Variants in ATP10B observed in about 807,000 individuals in gnomAD.
ATP10B encodes the protein phospholipid-transporting ATPase VB.
ATP10B carries 122 observed loss-of-function variants against 141.2 expected under a neutral mutation model. The observed-to-expected ratio is 0.86, with a 90% CI of 0.75 to 1.00. ATP10B has a LOEUF of 1.00. Ranked by LOEUF, ATP10B falls within the 50% of genes least tolerant of loss-of-function variation. The pLI, the probability that ATP10B is intolerant of heterozygous loss-of-function variation, is 0.00. For synonymous variants in ATP10B, 685 were observed against 692.0 expected, an observed-to-expected ratio of 0.99 and a Z score of 0.16; for missense variants, 1,876 against 1,825.3, an observed-to-expected ratio of 1.03 and a Z score of -0.51.
At chr5:160,900,169 C>T in the ATP10B span, among the ~76,000 whole-genome samples, 1 of 152,190 alleles carries the variant, frequency 6.6e-6, no homozygotes, top group Non-Finnish European at 1.5e-5. Context: ...CAGCCTTCCC[C>T]CAACTACTGA....
At chr5:160,901,786 G>C in the ATP10B span, among the ~76,000 whole-genome samples, 2 of 152,176 alleles carry the variant, frequency 1.3e-5, no homozygotes, top group Non-Finnish European at 2.9e-5. Context: ...ATACCCAACA[G>C]TACTTTTTAT....
intron 22 of ATP10B, among the ~76,000 whole-genome samples, chr5:160,592,503 T>C (rs1756381008): frequency 6.6e-6 from 1 of 152,202 alleles, no homozygotes; most frequent in Non-Finnish European, 1.5e-5. Flanking sequence ...GACGGGTGAT[T>C]TCTGCATTTC....
chr5:160,873,946 C>T, the ATP10B span, among the ~76,000 whole-genome samples: 3 of 152,238 alleles, frequency 2.0e-5, no homozygotes, highest in Non-Finnish European at 4.4e-5. Context: ...AAGGCGGCAG[C>T]CAGGCTGGGG....
chr5:160,795,566 T>C (rs537752257), intron 1 of ATP10B, among the ~76,000 whole-genome samples: 1 of 94,276 alleles, frequency 1.1e-5, no homozygotes, highest in African/African-American at 3.8e-5. Context: ...CTTTGGAACC[T>C]ATGAATTTTT....
the ATP10B span, among the ~76,000 whole-genome samples, chr5:160,928,213 A>C: frequency 2.5e-4 from 38 of 152,184 alleles, no homozygotes; most frequent in Non-Finnish European, 4.6e-4. Flanking sequence ...TTCAAGAATT[A>C]GCTTCACTTC....
intron 8 of ATP10B, among the ~76,000 whole-genome samples, chr5:160,646,482 T>G (rs963671347): frequency 6.6e-6 from 1 of 152,226 alleles, no homozygotes; most frequent in Admixed American, 6.5e-5. Context: ...AATTTTCCTT[T>G]TCAAATAAAT....
At chr5:160,613,902 G>C (rs1581201898) in intron 17 of ATP10B, 1 of 152,330 alleles carries the variant, frequency 6.6e-6, no homozygotes, top group South Asian at 2.1e-4. Flanking sequence ...CTCTGGGCAG[G>C]AGCACGGCAT....
At chr5:160,687,657 T>C (rs1029039325) in intron 5 of ATP10B, 143 bp downstream of exon 5, 3 of 978,142 alleles carry the variant, frequency 3.1e-6, no homozygotes, top group Non-Finnish European at 4.5e-6. Flanking sequence ...CCCAGCTATT[T>C]GGGAGGCTGA....
intron 2 of ATP10B, among the ~76,000 whole-genome samples, chr5:160,751,608 C>T (rs917091730): frequency 9.2e-5 from 14 of 151,984 alleles, no homozygotes; most frequent in African/African-American, 3.4e-4. Context: ...TGACCTAGTG[C>T]TTTCATGCTC....
At chr5:160,819,527 A>C (rs1773942967) in intron 1 of ATP10B, among the ~76,000 whole-genome samples, 1 of 152,212 alleles carries the variant, frequency 6.6e-6, no homozygotes, top group Admixed American at 6.5e-5. Flanking sequence ...AGAAAAACAC[A>C]GCATATTATA....
At position 160,823,675 on chromosome 5, in the gene ATP10B, A is replaced by T. The variant is rs913267834; in HGVS notation, c.-576+28266T>A. Among the ~76,000 whole-genome samples the T allele has an allele frequency of 3.3e-5, 5 of 152,076 alleles. No individual in the cohort carries two copies. In the East Asian group the frequency reaches 9.7e-4, roughly 30 times the overall value. The stretch of plus-strand genomic sequence containing the variant: ...ATCGAGACCATCCTGGCTACTAAAG[A>T]TACAAAAAATTAGCCAGGCGTGGTG... On this transcript the variant is annotated intron_variant, in intron 1 of 25. Coordinates refer to ENST00000327245, the MANE Select transcript of ATP10B (RefSeq NM_025153.3).
At chr5:160,653,664 CATAT>C (rs1292735653) in intron 7 of ATP10B, among the ~76,000 whole-genome samples, 2 of 112,556 alleles carry the variant, frequency 1.8e-5, no homozygotes, top group Non-Finnish European at 3.4e-5. Context: ...TACATATATA[CATAT>C]ATATTATATA....
At chr5:160,685,061 C>T (rs765624443) in intron 6 of ATP10B, 31 of 703,504 alleles carry the variant, frequency 4.4e-5, no homozygotes, top group South Asian at 1.5e-4. Context: ...TTTTTGGGGA[C>T]GAAGGACAAC....
At chr5:160,864,705 A>T in the ATP10B span, among the ~76,000 whole-genome samples, 1 of 152,214 alleles carries the variant, frequency 6.6e-6, no homozygotes, top group South Asian at 2.1e-4. Context: ...CTCAGACCTG[A>T]TAAATGAATT....
chr5:160,692,136 G>T lies in ATP10B; in HGVS notation c.-204-3193C>A, dbSNP rs554693212. ...AATGTAGTTATTTTCGGTGGAGTAG[G>T]ATTAAAAGTCCATTTATCATAAGAA... On this transcript the variant is annotated intron_variant, in intron 3 of 25. Coordinates refer to ENST00000327245, the MANE Select transcript of ATP10B (RefSeq NM_025153.3). 4.6e-5 allele frequency among the ~76,000 whole-genome samples: 7 copies of T among 152,232 alleles called. No individual in the cohort carries two copies. In the South Asian group the frequency reaches 8.3e-4, roughly 18 times the overall value.
intron 2 of ATP10B, among the ~76,000 whole-genome samples, chr5:160,772,273 T>C (rs1186125286): frequency 6.6e-6 from 1 of 152,218 alleles, no homozygotes; most frequent in Non-Finnish European, 1.5e-5. Flanking sequence ...CTCCACAAGC[T>C]CTTCTTAATA....
intron 1 of ATP10B, among the ~76,000 whole-genome samples, chr5:160,803,637 C>G (rs1295590432): frequency 2.0e-5 from 3 of 152,170 alleles, no homozygotes; most frequent in African/African-American, 7.2e-5. Context: ...GATCATACCA[C>G]TGTACTCCAG....
At chr5:160,919,607 AGAT>A in the ATP10B span, among the ~76,000 whole-genome samples, 2 of 152,334 alleles carry the variant, frequency 1.3e-5, no homozygotes, top group South Asian at 4.1e-4. Context: ...TATTTTGAAA[AGAT>A]GATTCTGATT....
intron 2 of ATP10B, among the ~76,000 whole-genome samples, chr5:160,772,172 T>C (rs1769952968): frequency 6.6e-6 from 1 of 152,230 alleles, no homozygotes; most frequent in Admixed American, 6.5e-5. Context: ...ATGGTAATTG[T>C]TTTTAGTTTT....
Sources: gnomAD v4.1 joint callset for allele counts (sites outside exome capture counted in the v4.1 genomes callset) on GRCh38, gnomAD v4.1.1 for gene constraint, MANE v1.5 for transcripts, NCBI Gene and HGNC (gene_info 2026-07-23, HGNC 2026-07-21) for gene names.